Variants in RBPMS observed in about 807,000 individuals in gnomAD.
RBPMS encodes the protein RNA binding protein, mRNA processing factor, also known as RNA-binding protein with multiple splicing.
RBPMS carries 7 observed loss-of-function variants against 26.8 expected under a neutral mutation model. The ratio of observed to expected loss-of-function variants is 0.26; its 90% CI spans 0.15 to 0.49. The LOEUF (loss-of-function observed/expected upper bound fraction) is 0.49, where lower values mean the gene tolerates loss of function less well. Ranked by LOEUF, RBPMS falls within the 20% of genes least tolerant of loss-of-function variation. The probability of loss-of-function intolerance (pLI) is 0.98; values close to 1 mark genes in which losing one functional copy is unlikely to be tolerated. For synonymous variants in RBPMS, 96 were observed against 93.3 expected, an observed-to-expected ratio of 1.03 and a Z score of -0.17; for missense variants, 186 against 250.0, an observed-to-expected ratio of 0.74 and a Z score of 1.73.
At chr8:30,565,536 C>T (rs1367157630) in intron 7 of RBPMS, 3 of 152,232 alleles carry the variant, frequency 2.0e-5, no homozygotes, top group Non-Finnish European at 2.9e-5. Flanking sequence ...GGAATCCTTG[C>T]TGTAACCAGC....
intron 1 of RBPMS, among the ~76,000 whole-genome samples, chr8:30,449,545 A>G (rs540147617): frequency 6.6e-6 from 1 of 151,576 alleles, no homozygotes; most frequent in Non-Finnish European, 1.5e-5. Flanking sequence ...TAATTTTTGT[A>G]TTTTTCATAG....
chr8:30,531,024 A>G lies in RBPMS; in HGVS notation c.398-13470A>G, dbSNP rs189795793. 1.1e-4 allele frequency among the ~76,000 whole-genome samples: 17 copies of G among 151,888 alleles called. No individual in the cohort carries two copies. In the East Asian group the frequency reaches 2.1e-3, roughly 19 times the overall value. On this transcript the variant is annotated intron_variant, in intron 5 of 8. Transcript: ENST00000397323. ...TTCACTTGTTTATGCAACTTTTTCCATCTTTATAGACAGGTCTTTTACGTT... is the reference window on the plus strand; with the variant it reads ...TTCACTTGTTTATGCAACTTTTTCCGTCTTTATAGACAGGTCTTTTACGTT...
At chr8:30,429,182 C>T (rs1811675092) in intron 1 of RBPMS, among the ~76,000 whole-genome samples, 1 of 152,098 alleles carries the variant, frequency 6.6e-6, no homozygotes, top group African/African-American at 2.4e-5. Context: ...ACTGAGGTCC[C>T]AAAATGTGGA....
At chr8:30,513,822 G>C (rs77515144) in intron 5 of RBPMS, among the ~76,000 whole-genome samples, 1 of 152,066 alleles carries the variant, frequency 6.6e-6, no homozygotes, top group African/African-American at 2.4e-5. Flanking sequence ...TGTGAAGGAA[G>C]GTGTTTCTTA....
At chr8:30,521,548 C>T (rs1488522474) in intron 5 of RBPMS, among the ~76,000 whole-genome samples, 1 of 152,130 alleles carries the variant, frequency 6.6e-6, no homozygotes, top group Non-Finnish European at 1.5e-5. Flanking sequence ...TGCTTATTTC[C>T]CTGCTTCTCT....
At chr8:30,567,967 T>C (rs16877180) in intron 8 of RBPMS, among the ~76,000 whole-genome samples, 5,343 of 152,224 alleles carry the variant, frequency 0.035, 316 homozygotes, top group African/African-American at 0.12. Context: ...ACAGTGCTTA[T>C]GTGACCTACC....
intron 4 of RBPMS, among the ~76,000 whole-genome samples, chr8:30,495,685 T>TG (rs1282992074): frequency 6.6e-6 from 1 of 152,246 alleles, no homozygotes; most frequent in Non-Finnish European, 1.5e-5. Flanking sequence ...CAGCACAGGC[T>TG]GTTGTATTAA....
chr8:30,429,733 A>G (rs900871756), intron 1 of RBPMS, among the ~76,000 whole-genome samples: 1 of 152,196 alleles, frequency 6.6e-6, no homozygotes, highest in Non-Finnish European at 1.5e-5. Flanking sequence ...TAGCAGCCCA[A>G]TAAATTGTGC....
At chr8:30,489,911 C>T (rs1284984142) in intron 4 of RBPMS, among the ~76,000 whole-genome samples, 2 of 150,600 alleles carry the variant, frequency 1.3e-5, no homozygotes, top group Non-Finnish European at 3.0e-5. Context: ...CCCAGGTTCA[C>T]ACCATTCTCC....
chr8:30,423,612 C>CA (rs1811044858), intron 1 of RBPMS, among the ~76,000 whole-genome samples: 1 of 139,044 alleles, frequency 7.2e-6, no homozygotes, highest in East Asian at 2.5e-4. Context: ...CAGGACCAAA[C>CA]AATCTGCAGG....
chr8:30,557,111 C>G (rs1453169126), intron 6 of RBPMS, among the ~76,000 whole-genome samples: 3 of 152,232 alleles, frequency 2.0e-5, no homozygotes, highest in African/African-American at 4.8e-5. Flanking sequence ...GGACCCTGCT[C>G]TAGCTGGTCA....
At chr8:30,497,392 A>C (rs1820074828) in intron 4 of RBPMS, among the ~76,000 whole-genome samples, 1 of 152,058 alleles carries the variant, frequency 6.6e-6, no homozygotes, top group Non-Finnish European at 1.5e-5. Flanking sequence ...GAAATATAAA[A>C]AATCAGCTGG....
chr8:30,461,806 T>C (rs1024032143), intron 1 of RBPMS, among the ~76,000 whole-genome samples: 2 of 152,226 alleles, frequency 1.3e-5, no homozygotes, highest in African/African-American at 2.4e-5. Flanking sequence ...GAAGTTGATA[T>C]AATCCACTAA....
rs2150828451 is a variant in RBPMS at position 30,474,835 on chromosome 8, T to C, written c.123T>C (p.Tyr41=). 1 of 1,610,570 alleles carries C rather than the reference T, an allele frequency of 6.2e-7. No individual in the cohort carries two copies. Among genetic ancestry groups the C allele is most frequent in the Non-Finnish European group, 8.5e-7 (1 of 1,176,870 alleles). Residue 41 remains tyrosine (Y), a synonymous_variant, in exon 2 of 9, where the codon TAT becomes TAC. Transcript: ENST00000397323. ...TGGATATCAAACCTCGGGAGCTCTATCTGCTTTTCAGACCATTTAAGGTAC... is the reference window on the plus strand; with the variant it reads ...TGGATATCAAACCTCGGGAGCTCTACCTGCTTTTCAGACCATTTAAGGTAC... ...LPLDIKPREL[Y]LLFRPFKGYE...
At chr8:30,430,887 C>CA (rs1436947753) in intron 1 of RBPMS, among the ~76,000 whole-genome samples, 2 of 152,106 alleles carry the variant, frequency 1.3e-5, no homozygotes, top group Non-Finnish European at 2.9e-5. Context: ...AGGCACTATC[C>CA]AAGTTGCTAA....
At chr8:30,517,516 G>T (rs1024910072) in intron 5 of RBPMS, among the ~76,000 whole-genome samples, 1 of 152,172 alleles carries the variant, frequency 6.6e-6, no homozygotes, top group African/African-American at 2.4e-5. Flanking sequence ...CCCTCAGAAG[G>T]TCAAGGAGAT....
intron 1 of RBPMS, among the ~76,000 whole-genome samples, chr8:30,417,913 C>G (rs1024398242): frequency 6.6e-6 from 1 of 152,062 alleles, no homozygotes; most frequent in Non-Finnish European, 1.5e-5. Context: ...TTTATTTTGC[C>G]TATGTGTTCT....
intron 5 of RBPMS, among the ~76,000 whole-genome samples, chr8:30,535,976 C>A (rs1020858426): frequency 6.6e-5 from 10 of 152,170 alleles, no homozygotes; most frequent in African/African-American, 2.2e-4. Flanking sequence ...CATAGTGAGA[C>A]CTTGTCTCTA....
rs10102539 is a variant in RBPMS, at chr8:30,419,452, G to A, written c.66+34294G>A. Among the ~76,000 whole-genome samples the A allele has an allele frequency of 4.0e-3, 319 of 80,034 alleles. 1 individual carries two copies. Among genetic ancestry groups the A allele is most frequent in the African/African-American group, 0.028 (283 of 10,276 alleles). The allele number at this position is 80,034 out of a possible 152,430, so 52.5% of individuals were successfully genotyped here. Reference sequence around the variant, plus strand: ...CAGAGTGAGATTGCATCTCAAAAATGTGTGTGTGTGTGTGTGTGTGTGTGT... The same window carrying A: ...CAGAGTGAGATTGCATCTCAAAAATATGTGTGTGTGTGTGTGTGTGTGTGT... On this transcript the variant is annotated intron_variant, in intron 1 of 8. Coordinates refer to ENST00000397323, the MANE Select transcript of RBPMS (RefSeq NM_001008710.3).
Sources: gnomAD v4.1 joint callset for allele counts (sites outside exome capture counted in the v4.1 genomes callset) on GRCh38, gnomAD v4.1.1 for gene constraint, MANE v1.5 for transcripts, NCBI Gene and HGNC (gene_info 2026-07-23, HGNC 2026-07-21) for gene names.